SPTBN4: variants seen among roughly 807,000 people sequenced by gnomAD.
The protein encoded by SPTBN4 is spectrin beta, non-erythrocytic 4.
In SPTBN4, 96 loss-of-function variants were observed where a neutral mutation model predicts 277.8. The ratio of observed to expected loss-of-function variants is 0.35; its 90% CI spans 0.29 to 0.41. The LOEUF (loss-of-function observed/expected upper bound fraction) is 0.41, where lower values mean the gene tolerates loss of function less well. Among genes scored for constraint, SPTBN4 ranks in the 10% least tolerant of loss-of-function variants. SPTBN4 has a pLI of 1.00. For synonymous variants in SPTBN4, 1,481 were observed against 1,580.3 expected (o/e 0.94, Z 1.49); for missense variants, 3,006 against 3,595.7 (o/e 0.84, Z 4.19).
At position 40,558,889 on chromosome 19, in the gene SPTBN4, T is replaced by C. The variant is rs1261529856; in HGVS notation, c.5671-1270T>C. On this transcript the variant is annotated intron_variant, in intron 26 of 35. Coordinates refer to ENST00000598249, the MANE Select transcript of SPTBN4 (RefSeq NM_020971.3). Reference sequence around the variant, plus strand: ...TCCCAAAGTGCTGGGATTACAGGCATGAGCTACTATGCCCAGCTGGCAATT... The same window carrying C: ...TCCCAAAGTGCTGGGATTACAGGCACGAGCTACTATGCCCAGCTGGCAATT... Among the ~76,000 whole-genome samples, 6 of 148,034 alleles carry C rather than the reference T, an allele frequency of 4.1e-5. No homozygotes were observed. In the East Asian group the frequency reaches 1.0e-3, roughly 25 times the overall value.
At chr19:40,520,545 G>A (rs1315253022) in intron 16 of SPTBN4, among the ~76,000 whole-genome samples, 1 of 152,196 alleles carries the variant, frequency 6.6e-6, no homozygotes, top group Admixed American at 6.5e-5. Context: ...ATCTTGGTAT[G>A]GATAACAAAG....
At position 40,563,942 on chromosome 19, in the gene SPTBN4, G is replaced by T. The variant is rs961219344; in HGVS notation, c.5916-1481G>T. Among the ~76,000 whole-genome samples the T allele has an allele frequency of 3.3e-5, 5 of 151,896 alleles. No individual in the cohort carries two copies. In the South Asian group the frequency reaches 8.3e-4, roughly 25 times the overall value. On this transcript the variant is annotated intron_variant, in intron 27 of 35. Transcript: ENST00000598249. ...GGCACCTGTAATCCCAGCTACTCGGGAGGCTGAGGCAGGAGAATTGCTTGA... is the reference window on the plus strand; with the variant it reads ...GGCACCTGTAATCCCAGCTACTCGGTAGGCTGAGGCAGGAGAATTGCTTGA...
intron 21 of SPTBN4, among the ~76,000 whole-genome samples, chr19:40,549,646 C>T (rs2080896002): frequency 1.3e-5 from 2 of 152,238 alleles, no homozygotes; most frequent in South Asian, 4.1e-4. Flanking sequence ...ATAGTTTGTT[C>T]TTTCCTCCAC....
At chr19:40,521,956 A>G (rs1568805608) in intron 16 of SPTBN4, among the ~76,000 whole-genome samples, 4 of 149,218 alleles carry the variant, frequency 2.7e-5, no homozygotes, top group African/African-American at 9.9e-5. Context: ...GCCCTGACCC[A>G]CTCATTTTAC....
chr19:40,572,566 G>C lies in SPTBN4; in HGVS notation c.7536+186G>C, dbSNP rs1355221208. The C allele has an allele frequency of 7.6e-6, 5 of 659,062 alleles. No homozygotes were observed. In the African/African-American group the frequency reaches 9.0e-5, roughly 12 times the overall value. 40.8% of individuals were successfully genotyped at this position (659,062 alleles called of 1,614,324 possible). On this transcript the variant is annotated intron_variant, in intron 35 of 35. Transcript: ENST00000598249. ...TTCCTAACCCAGTGGGGAGTGGGAA[G>C]GGCTTCAGGGAGGGCTGCCTGCAGA... is the stretch of plus-strand genomic sequence containing the variant.
intron 26 of SPTBN4, among the ~76,000 whole-genome samples, chr19:40,559,551 G>A (rs563035329): frequency 6.6e-6 from 1 of 152,306 alleles, no homozygotes; most frequent in Admixed American, 6.5e-5. Context: ...AGTAGGCTGA[G>A]GCAGGAGGAT....
At chr19:40,469,909 G>T (rs1047544312) in intron 1 of SPTBN4, among the ~76,000 whole-genome samples, 1 of 152,046 alleles carries the variant, frequency 6.6e-6, no homozygotes. Context: ...CTCCCAAAGT[G>T]CTGGGATTAC....
At position 40,554,257 on chromosome 19, in the gene SPTBN4, C is replaced by A; in HGVS notation, c.4785C>A (p.Gly1595=). The A allele has an allele frequency of 1.3e-6, 2 of 1,531,402 alleles. No individual in the cohort carries two copies. The highest frequency in any genetic ancestry group is 1.7e-6 in the Non-Finnish European group (2 of 1,145,634). The allele number at this position is 1,531,402 out of a possible 1,614,324, so 94.9% of individuals were successfully genotyped here. A position where few individuals can be genotyped will look rare whatever the true frequency, so the allele number is the denominator to read the frequency against. ...CGGAGGCAGAGGCAGTGCGCCGGGG[C>A]CTGGAGCAGCTGCAGAGCGCCTGGG... ...RSPEAEAVRR[G]LEQLQSAWAG... The change falls in exon 23 of 36, where the codon GGC becomes GGA. Residue 1595 remains glycine (G), a synonymous_variant. Coordinates refer to ENST00000598249, the MANE Select transcript of SPTBN4 (RefSeq NM_020971.3). This position sits in a 1 kb window ranked among gnomAD's most constrained non-coding sequence, Gnocchi z 5.7.
rs758030365 is a variant in SPTBN4, at chr19:40,560,182, G to A, written c.5694G>A (p.Ala1898=). The part of the protein sequence containing the change: ...VSQVRQLQEG[A]AQLRTVYAGE... ...AGGTACGGCAGCTGCAGGAGGGGGC[G>A]GCCCAGCTGCGGACGGTGTATGCGG... is the stretch of plus-strand genomic sequence containing the variant. The change falls in exon 27 of 36, where the codon GCG becomes GCA. Residue 1898 remains alanine, a synonymous_variant. Transcript: ENST00000598249. The surrounding 1 kb of genome is among the most constrained non-coding windows in gnomAD (Gnocchi z 5.2). 7.5e-6 allele frequency: 12 copies of A among 1,599,786 alleles called. No individual in the cohort carries two copies. Among genetic ancestry groups the A allele is most frequent in the African/African-American group, 5.3e-5 (4 of 74,918 alleles).
rs759950953 is a variant in SPTBN4 at position 40,502,869 on chromosome 19, G to C, written c.1298G>C (p.Arg433Thr). ...RQEKLELLAQ[R>T]FDHKVAMRES... ...GAGAAGCTGGAACTACTGGCACAGA[G>C]GTTTGACCACAAGGTGGCTATGAGG... is the stretch of plus-strand genomic sequence containing the variant. The change falls in exon 11 of 36, where the codon AGG (arginine) becomes ACG (threonine). Residue 433 changes from arginine to threonine, a missense_variant. Arg to Thr is a moderately conservative substitution (Grantham distance 71). This residue lies in a region of SPTBN4 where 1,759 missense variants were observed against 2,061.5 expected (regional missense o/e 0.85). Coordinates refer to ENST00000598249, the MANE Select transcript of SPTBN4 (RefSeq NM_020971.3). This position sits in a 1 kb window ranked among gnomAD's most constrained non-coding sequence, Gnocchi z 4.9. The C allele has an allele frequency of 1.2e-6, 2 of 1,613,946 alleles. No homozygotes were observed. The highest frequency in any genetic ancestry group is 1.1e-5 in the South Asian group (1 of 91,084).
At chr19:40,539,794 T>A (rs2080778281) in intron 20 of SPTBN4, among the ~76,000 whole-genome samples, 1 of 151,526 alleles carries the variant, frequency 6.6e-6, no homozygotes, top group South Asian at 2.1e-4. Flanking sequence ...CTCATTTTCT[T>A]CTTCAGTAAA....
rs766084101 is a variant in SPTBN4, at chr19:40,534,117, C to T, written c.4133C>T (p.Ala1378Val). 1.1e-5 allele frequency: 18 copies of T among 1,608,196 alleles called. No homozygotes were observed. The highest frequency in any genetic ancestry group is 1.6e-4 in the Middle Eastern group (1 of 6,074). Residue 1378 changes from alanine (A) to valine (V), a missense_variant, in exon 20 of 36, where the codon GCG becomes GTG. By Grantham distance (64) the Ala-to-Val change is moderately conservative (BLOSUM62 0). This residue lies in a region of SPTBN4 where 1,759 missense variants were observed against 2,061.5 expected (regional missense o/e 0.85). Coordinates refer to ENST00000598249, the MANE Select transcript of SPTBN4 (RefSeq NM_020971.3). ...CTGATGCAGGAGAAGCCCGAACTGG[C>T]GGCCTCCGTGCGGAAGAAGCTGGGC... The part of the protein sequence containing the change: ...QQLMQEKPEL[A>V]ASVRKKLGEI...
In SPTBN4 at chr19:40,575,795, C is replaced by T. The variant is rs1410277325; in HGVS notation, c.*226C>T. On this transcript the variant is annotated 3_prime_UTR_variant, in exon 36 of 36. Transcript: ENST00000598249. ...GGCCCCTTCCCACTCACCACCCCCA[C>T]CCCAGGTGCTGGGGGTCCCTTATTT... is the stretch of plus-strand genomic sequence containing the variant. 7.0e-6 allele frequency: 3 copies of T among 430,606 alleles called. No homozygotes were observed. Among genetic ancestry groups the T allele is most frequent in the Non-Finnish European group, 1.2e-5 (3 of 248,846 alleles). 26.7% of individuals were successfully genotyped at this position (430,606 alleles called of 1,614,324 possible). A position where few individuals can be genotyped will look rare whatever the true frequency, so the allele number is the denominator to read the frequency against.
chr19:40,535,334 A>G (rs539311040), intron 20 of SPTBN4, among the ~76,000 whole-genome samples: 2 of 152,190 alleles, frequency 1.3e-5, no homozygotes, highest in South Asian at 4.2e-4. Context: ...CTTGGATTAC[A>G]GGTGTGAGCC....
At chr19:40,505,751 G>GAAGGAAGGAAGA (rs1185459061) in intron 12 of SPTBN4, among the ~76,000 whole-genome samples, 6 of 144,164 alleles carry the variant, frequency 4.2e-5, no homozygotes, top group South Asian at 4.5e-4. Flanking sequence ...AGGAAGGAAG[G>GAAGGAAGGAAGA]AAGAAAGAAA....
At chr19:40,569,630 T>G (rs1471883378) in intron 31 of SPTBN4, 27 bp from the exon 32 acceptor site, 1 of 1,610,524 alleles carries the variant, frequency 6.2e-7, no homozygotes, top group African/African-American at 1.3e-5. Context: ...CTGGTTTCAC[T>G]GGGTCTTTCT....
rs2080402748 is a variant in SPTBN4 at position 40,512,600 on chromosome 19, G to A, written c.1817-6G>A. On this transcript the variant is annotated splice_region_variant and splice_polypyrimidine_tract_variant and intron_variant, in intron 13 of 35. Transcript: ENST00000598249. ...AATCCTGGATGCTCCCCTTCTCCTGGCTCAGGCTACCAGCCCTGCGACCCG... is the reference window on the plus strand; with the variant it reads ...AATCCTGGATGCTCCCCTTCTCCTGACTCAGGCTACCAGCCCTGCGACCCG... 1 of 1,524,394 alleles carries A rather than the reference G, an allele frequency of 6.6e-7. No homozygotes were observed. The highest frequency in any genetic ancestry group is 2.0e-5 in the Admixed American group (1 of 50,706). 94.4% of individuals were successfully genotyped at this position (1,524,394 alleles called of 1,614,324 possible). A position where few individuals can be genotyped will look rare whatever the true frequency, so the allele number is the denominator to read the frequency against.
In SPTBN4 at chr19:40,502,390, G is replaced by A; in HGVS notation, c.1086G>A (p.Lys362=). 1.2e-6 allele frequency: 2 copies of A among 1,611,666 alleles called. No individual in the cohort carries two copies. Among genetic ancestry groups the A allele is most frequent in the African/African-American group, 1.3e-5 (1 of 75,008 alleles). Residue 362 remains lysine (K), a splice_region_variant and synonymous_variant, in exon 10 of 36, where the codon AAG becomes AAA. Coordinates refer to ENST00000598249, the MANE Select transcript of SPTBN4 (RefSeq NM_020971.3). This position sits in a 1 kb window ranked among gnomAD's most constrained non-coding sequence, Gnocchi z 4.9. The part of the protein sequence containing the change: ...TAYCTLEKPV[K]FQEKGNLEVL... Reference sequence around the variant, plus strand: ...GGCTCCTGAGCTCATGCCCCTTCAGGTTCCAGGAGAAGGGGAACCTAGAGG... The same window carrying A: ...GGCTCCTGAGCTCATGCCCCTTCAGATTCCAGGAGAAGGGGAACCTAGAGG...
Position 40,575,645 on chromosome 19 carries a change from CG to C in SPTBN4, c.*77del. On this transcript the variant is annotated 3_prime_UTR_variant, in exon 36 of 36. Transcript: ENST00000598249. The stretch of plus-strand genomic sequence containing the variant: ...GTGGGCACAAAGACACTTTTTCTTC[CG>C]CAGGGGCGGGAGCCCCTAGTTCCAA... 1 of 1,484,394 alleles carries C rather than the reference CG, an allele frequency of 6.7e-7. No individual in the cohort carries two copies. Among genetic ancestry groups the C allele is most frequent in the Non-Finnish European group, 9.0e-7 (1 of 1,115,186 alleles). The allele number at this position is 1,484,394 out of a possible 1,614,324, so 92.0% of individuals were successfully genotyped here.
Sources: allele counts gnomAD v4.1 joint callset (sites outside exome capture counted in the v4.1 genomes callset), GRCh38; gene constraint gnomAD v4.1.1; regional missense constraint gnomAD v4.1.1; non-coding constraint Gnocchi (gnomAD v3.1); transcripts MANE v1.5; gene names NCBI Gene and HGNC (gene_info 2026-07-23, HGNC 2026-07-21).